The following SYT9 variants were observed in gnomAD, a reference collection of about 807,000 sequenced individuals.
SYT9 encodes the protein synaptotagmin 9.
Under a neutral mutation model 48.4 loss-of-function variants are expected in SYT9, and 22 were observed. That is an observed-to-expected ratio of 0.45 (90% CI 0.32 to 0.65). The LOEUF (loss-of-function observed/expected upper bound fraction) is 0.65, where lower values mean the gene tolerates loss of function less well. Among genes scored for constraint, SYT9 ranks in the 30% least tolerant of loss-of-function variants. SYT9 has a pLI of 0.03. For synonymous variants in SYT9, 265 were observed against 245.0 expected, an observed-to-expected ratio of 1.08 and a Z score of -0.76; for missense variants, 577 against 622.0, an observed-to-expected ratio of 0.93 and a Z score of 0.77.
At chr11:7,309,295 G>T (rs954968188) in intron 2 of SYT9, among the ~76,000 whole-genome samples, 10 of 152,152 alleles carry the variant, frequency 6.6e-5, no homozygotes, top group African/African-American at 2.4e-4. Flanking sequence ...TATTAGTAGA[G>T]GAGATCATCT....
chr11:7,298,162 C>T (rs1056938343), intron 1 of SYT9, among the ~76,000 whole-genome samples: 1 of 152,056 alleles, frequency 6.6e-6, no homozygotes, highest in Non-Finnish European at 1.5e-5. Context: ...GATAAATACT[C>T]TACATATCAT....
In SYT9 at chr11:7,465,552, C is replaced by T. The variant is rs576738684; in HGVS notation, c.1468-1240C>T. 1.2e-4 allele frequency among the ~76,000 whole-genome samples: 18 copies of T among 152,318 alleles called. No homozygotes were observed. In the South Asian group the frequency reaches 3.5e-3, roughly 30 times the overall value. On this transcript the variant is annotated intron_variant, in intron 6 of 6. Transcript: ENST00000318881. ...AGTTTAAATTAAGTTGAATGCTGGG[C>T]TGAGTGTGAAACACAAGAGATACTG...
chr11:7,400,774 C>T (rs1846874159), intron 3 of SYT9, among the ~76,000 whole-genome samples: 1 of 152,134 alleles, frequency 6.6e-6, no homozygotes, highest in Non-Finnish European at 1.5e-5. Flanking sequence ...AGAGAAGCCA[C>T]CTCCTAGTCC....
At chr11:7,446,388 C>A (rs541477437) in intron 6 of SYT9, among the ~76,000 whole-genome samples, 3 of 152,266 alleles carry the variant, frequency 2.0e-5, no homozygotes, top group East Asian at 1.9e-4. Flanking sequence ...TTATTAGTAT[C>A]ATTATTATTA....
At chr11:7,256,721 T>C in intron 1 of SYT9, among the ~76,000 whole-genome samples, 1 of 152,230 alleles carries the variant, frequency 6.6e-6, no homozygotes, top group East Asian at 1.9e-4. Context: ...TATTTTTGAT[T>C]ATGAATTCTG....
chr11:7,362,293 C>T (rs957739292), intron 3 of SYT9, among the ~76,000 whole-genome samples: 4 of 151,768 alleles, frequency 2.6e-5, no homozygotes, highest in Admixed American at 2.0e-4. Context: ...TACAGGCCTG[C>T]ACCACCATGC....
chr11:7,270,234 A>G (rs1032308630), intron 1 of SYT9, among the ~76,000 whole-genome samples: 1 of 152,100 alleles, frequency 6.6e-6, no homozygotes, highest in African/African-American at 2.4e-5. Context: ...GCAAGAAGGT[A>G]CATTTTTTTG....
At chr11:7,385,658 T>C (rs1384627395) in intron 3 of SYT9, among the ~76,000 whole-genome samples, 7 of 151,992 alleles carry the variant, frequency 4.6e-5, no homozygotes, top group Non-Finnish European at 2.9e-5. Flanking sequence ...AAAAAAAGTT[T>C]AAAAAAATCA....
At chr11:7,251,497 A>ACAC (rs1847867256), upstream of SYT9, among the ~76,000 whole-genome samples, 1 of 152,120 alleles carries the variant, frequency 6.6e-6, no homozygotes, top group African/African-American at 2.4e-5. Flanking sequence ...TGGGCATCTG[A>ACAC]CACCCATAGG....
chr11:7,356,933 G>T (rs2134010425), intron 3 of SYT9, among the ~76,000 whole-genome samples: 1 of 152,260 alleles, frequency 6.6e-6, no homozygotes, highest in South Asian at 2.1e-4. Context: ...GTAAGCAAAT[G>T]ATTACACAGA....
chr11:7,458,615 T>G (rs952421650), intron 6 of SYT9, among the ~76,000 whole-genome samples: 7 of 152,166 alleles, frequency 4.6e-5, no homozygotes, highest in Non-Finnish European at 1.0e-4. Flanking sequence ...ATTGCAATAT[T>G]TGAGCAAACA....
upstream of SYT9, among the ~76,000 whole-genome samples, chr11:7,251,099 G>GACACACACACACACACACAC (rs369736479): frequency 1.8e-4 from 24 of 131,900 alleles, no homozygotes; most frequent in East Asian, 4.2e-4. Flanking sequence ...GTGGCACAGT[G>GACACACACACACACACACAC]ACACACACAC....
At chr11:7,239,222 G>A (rs889859958) in intron 1 of SYT9, among the ~76,000 whole-genome samples, 5 of 152,124 alleles carry the variant, frequency 3.3e-5, no homozygotes, top group Non-Finnish European at 5.9e-5. Context: ...GAATGAAGTA[G>A]CTCCCCTAAC....
intron 1 of SYT9, among the ~76,000 whole-genome samples, chr11:7,258,909 G>T (rs141054411): frequency 1.3e-5 from 2 of 152,110 alleles, no homozygotes; most frequent in African/African-American, 4.8e-5. Context: ...CTTATTAGCT[G>T]TGTGTTCCTG....
At chr11:7,291,697 A>T (rs898541548) in intron 1 of SYT9, among the ~76,000 whole-genome samples, 1 of 151,974 alleles carries the variant, frequency 6.6e-6, no homozygotes, top group Non-Finnish European at 1.5e-5. Flanking sequence ...TGGGGAAAAA[A>T]AAAAAAATCT....
At chr11:7,432,436 A>T (rs555479863) in intron 6 of SYT9, among the ~76,000 whole-genome samples, 2 of 150,548 alleles carry the variant, frequency 1.3e-5, no homozygotes, top group East Asian at 2.0e-4. Context: ...AATCCCAGCT[A>T]CTCGGGAGGC....
At chr11:7,330,712 T>G (rs2133977077) in intron 3 of SYT9, among the ~76,000 whole-genome samples, 1 of 152,306 alleles carries the variant, frequency 6.6e-6, no homozygotes, top group East Asian at 1.9e-4. Context: ...ATATTTTCTT[T>G]TGAGATGGAG....
chr11:7,246,073 T>C (rs1461313900), intron 1 of SYT9, among the ~76,000 whole-genome samples: 1 of 152,198 alleles, frequency 6.6e-6, no homozygotes, highest in Non-Finnish European at 1.5e-5. Context: ...AGTTACCATC[T>C]TCTCTTTGTC....
intron 1 of SYT9, among the ~76,000 whole-genome samples, chr11:7,286,752 A>C (rs1301829002): frequency 1.3e-5 from 2 of 152,210 alleles, no homozygotes; most frequent in African/African-American, 2.4e-5. Context: ...GGGCAGGGGC[A>C]AAATGCTGCC....
Sources: gnomAD v4.1 joint callset for allele counts (sites outside exome capture counted in the v4.1 genomes callset) on GRCh38, gnomAD v4.1.1 for gene constraint, MANE v1.5 for transcripts, NCBI Gene and HGNC (gene_info 2026-07-23, HGNC 2026-07-21) for gene names.